ZFPM1: variants seen among roughly 807,000 people sequenced by gnomAD.
The protein encoded by ZFPM1 is zinc finger protein ZFPM1.
Under a neutral mutation model 46.3 loss-of-function variants are expected in ZFPM1, and 28 were observed. That is an observed-to-expected ratio of 0.60 (90% CI 0.45 to 0.83). The LOEUF is 0.83. ZFPM1 is among the 40% of genes least tolerant of loss of function. ZFPM1 has a pLI of 0.00. For missense variants in ZFPM1, 1,878 were observed against 1,432.4 expected (o/e 1.31, Z -5.02); for synonymous variants, 957 against 675.9 (o/e 1.42, Z -6.45).
chr16:88,519,001 TATGG>T (rs998118119), intron 4 of ZFPM1, among the ~76,000 whole-genome samples: 1 of 129,994 alleles, frequency 7.7e-6, no homozygotes, highest in Non-Finnish European at 1.6e-5. Context: ...TGGATAGACG[TATGG>T]GTGGATGGAT....
At chr16:88,496,105 G>A (rs975005892) in intron 3 of ZFPM1, among the ~76,000 whole-genome samples, 1 of 152,186 alleles carries the variant, frequency 6.6e-6, no homozygotes, top group African/African-American at 2.4e-5. Flanking sequence ...GAAGGAGGAG[G>A]CTTCCAGAGG....
chr16:88,467,142 C>T (rs1316432211), intron 1 of ZFPM1, among the ~76,000 whole-genome samples: 4 of 152,116 alleles, frequency 2.6e-5, no homozygotes, highest in Admixed American at 6.5e-5. Context: ...CCTAGGGCCT[C>T]GTCCCATCAC....
rs1341858650 is a variant in ZFPM1 at position 88,534,154 on chromosome 16, C to T, written c.2196C>T (p.Pro732=). 4.2e-5 allele frequency: 42 copies of T among 1,003,458 alleles called. No individual in the cohort carries two copies. Among genetic ancestry groups the T allele is most frequent in the African/African-American group, 1.4e-4 (8 of 56,738 alleles). 62.2% of individuals were successfully genotyped at this position (1,003,458 alleles called of 1,614,324 possible). A position where few individuals can be genotyped will look rare whatever the true frequency, so the allele number is the denominator to read the frequency against. ...GPPGPAAPPA[P]SPAAPVRTRR... ...CTGGGCCGGCCGCGCCCCCGGCCCC[C>T]TCTCCCGCCGCGCCTGTGCGCACGC... Residue 732 remains proline, a synonymous_variant, in exon 10 of 10, where the codon CCC becomes CCT. Transcript: ENST00000319555.
At position 88,533,572 on chromosome 16, in the gene ZFPM1, C is replaced by T. The variant is rs754957631; in HGVS notation, c.1614C>T (p.Pro538=). 2 of 1,497,196 alleles carry T rather than the reference C, an allele frequency of 1.3e-6. No homozygotes were observed. The highest frequency in any genetic ancestry group is 2.4e-5 in the South Asian group (2 of 82,266). The allele number at this position is 1,497,196 out of a possible 1,614,324, so 92.7% of individuals were successfully genotyped here. Residue 538 remains proline, a synonymous_variant, in exon 10 of 10, where the codon CCC becomes CCT. Coordinates refer to ENST00000319555, the MANE Select transcript of ZFPM1 (RefSeq NM_153813.3). ...QYVFGPDAAP[P]ASEILAKMSE... ...TGTTCGGGCCCGACGCGGCGCCCCC[C>T]GCCTCGGAGATCCTGGCCAAGATGT...
At chr16:88,494,861 CCCT>C (rs1364683915) in intron 3 of ZFPM1, among the ~76,000 whole-genome samples, 2 of 152,150 alleles carry the variant, frequency 1.3e-5, no homozygotes, top group Non-Finnish European at 2.9e-5. Flanking sequence ...GGCCTGGACT[CCCT>C]CCTCCTCCCT....
intron 3 of ZFPM1, among the ~76,000 whole-genome samples, chr16:88,490,110 A>G (rs1909476965): frequency 1.3e-5 from 2 of 151,532 alleles, no homozygotes; most frequent in Non-Finnish European, 2.9e-5. Flanking sequence ...CTGGAGTGCA[A>G]TGGCGCGATC....
intron 3 of ZFPM1, among the ~76,000 whole-genome samples, chr16:88,493,045 A>G (rs1909675659): frequency 6.8e-6 from 1 of 147,896 alleles, no homozygotes. Flanking sequence ...GGGTATGGAG[A>G]GCTATCCCGG....
intron 4 of ZFPM1, among the ~76,000 whole-genome samples, chr16:88,526,436 C>A (rs1002144210): frequency 6.9e-6 from 1 of 145,280 alleles, no homozygotes; most frequent in Non-Finnish European, 1.5e-5. Context: ...CAAGGGTGGG[C>A]GAGCAGTGGG....
rs189705961 is a variant in ZFPM1 at position 88,532,265 on chromosome 16, A to G, written c.946+30A>G. Reference sequence around the variant, plus strand: ...GCCCCCACCCCGGACGCGGGTCCTCAGGATGCCGGCTGCTTCCCCACCCAG... The same window carrying G: ...GCCCCCACCCCGGACGCGGGTCCTCGGGATGCCGGCTGCTTCCCCACCCAG... On this transcript the variant is annotated intron_variant, in intron 7 of 9. Coordinates refer to ENST00000319555, the MANE Select transcript of ZFPM1 (RefSeq NM_153813.3). 1.0e-3 allele frequency: 1,556 copies of G among 1,554,904 alleles called. 35 individuals are homozygous for G. In the East Asian group the frequency reaches 0.025, roughly 25 times the overall value.
chr16:88,485,844 T>A, intron 1 of ZFPM1, 95 bp from the exon 2 acceptor site: 1 of 1,197,472 alleles, frequency 8.4e-7, no homozygotes. Flanking sequence ...CATTTCCGCC[T>A]GGGCACCGGG....
At chr16:88,460,941 ATGACCGAGGGGCGGGGCGGG>A (rs1567525379) in intron 1 of ZFPM1, among the ~76,000 whole-genome samples, 3 of 54,670 alleles carry the variant, frequency 5.5e-5, no homozygotes, top group African/African-American at 2.6e-4. Context: ...AGGCCTGGTG[ATGACCGAGGGGCGGGGCGGG>A]AGGCCTGGTG....
intron 4 of ZFPM1, among the ~76,000 whole-genome samples, chr16:88,524,921 TGCACCCACCCCAGCCAGG>T (rs1912193703): frequency 6.6e-6 from 1 of 151,898 alleles, no homozygotes; most frequent in Non-Finnish European, 1.5e-5. Flanking sequence ...ACTGCAGGGT[TGCACCCACCCCAGCCAGG>T]GCACCCACCC....
In ZFPM1 at chr16:88,532,702, G is replaced by A. The variant is rs758360400; in HGVS notation, c.1035G>A (p.Thr345=). ...GGCACCTCAAGGTGCACACGGACAC[G>A]CTGAGCGGTAGGCACCGCAGGGGCC... The part of the protein sequence containing the change: ...CERHLKVHTD[T]LSGVCHSCGF... Residue 345 remains threonine, a synonymous_variant, in exon 8 of 10, where the codon ACG becomes ACA. Coordinates refer to ENST00000319555, the MANE Select transcript of ZFPM1 (RefSeq NM_153813.3). 3 of 1,611,448 alleles carry A rather than the reference G, an allele frequency of 1.9e-6. No individual in the cohort carries two copies. Among genetic ancestry groups the A allele is most frequent in the South Asian group, 2.2e-5 (2 of 90,862 alleles).
chr16:88,474,590 G>A (rs1197450763), intron 1 of ZFPM1, among the ~76,000 whole-genome samples: 1 of 151,872 alleles, frequency 6.6e-6, no homozygotes, highest in Non-Finnish European at 1.5e-5. Flanking sequence ...GGGGCGGGGG[G>A]CTCTGTCTTC....
chr16:88,508,192 G>T (rs571062568), intron 3 of ZFPM1, among the ~76,000 whole-genome samples: 2 of 152,302 alleles, frequency 1.3e-5, no homozygotes, highest in East Asian at 3.9e-4. Context: ...AGCTACTCAG[G>T]AGGCTGAGAT....
At chr16:88,502,943 A>G (rs904323899) in intron 3 of ZFPM1, among the ~76,000 whole-genome samples, 2 of 151,784 alleles carry the variant, frequency 1.3e-5, no homozygotes, top group Non-Finnish European at 2.9e-5. Flanking sequence ...CGCCACCCCC[A>G]CCCGCCTTTA....
At chr16:88,513,564 G>A (rs1452250772) in intron 3 of ZFPM1, among the ~76,000 whole-genome samples, 4 of 152,240 alleles carry the variant, frequency 2.6e-5, no homozygotes, top group Non-Finnish European at 4.4e-5. Context: ...GGCAGAGGGT[G>A]TGTGGCCTGG....
rs1212032216 is a variant in ZFPM1 at position 88,497,222 on chromosome 16, C to G, written c.268+8069C>G. ...GTAGAAGGGATGCCCGAGTGTCAGG[C>G]TGGGTGTGAGAGATGGGAGGGGCGG... On this transcript the variant is annotated intron_variant, in intron 3 of 9. Coordinates refer to ENST00000319555, the MANE Select transcript of ZFPM1 (RefSeq NM_153813.3). The surrounding 1 kb of genome is among the most constrained non-coding windows in gnomAD (Gnocchi z 5.4). Among the ~76,000 whole-genome samples, 1 of 152,188 alleles carries G rather than the reference C, an allele frequency of 6.6e-6. No homozygotes were observed. Among genetic ancestry groups the G allele is most frequent in the Non-Finnish European group, 1.5e-5 (1 of 68,032 alleles).
In ZFPM1 at chr16:88,528,231, GATC is replaced by G. The variant is rs1215005653; in HGVS notation, c.707_709del (p.Ile236del). The G allele has an allele frequency of 6.2e-7, 1 of 1,606,808 alleles. No homozygotes were observed. Among genetic ancestry groups the G allele is most frequent in the Admixed American group, 1.7e-5 (1 of 59,774 alleles). ...TGGCCTCCATCCTTGCCACCGCAGTGATCAACAGTAAGTGCTGGGCTCTCCGCA... is the reference window on the plus strand; with the variant it reads ...TGGCCTCCATCCTTGCCACCGCAGTGAACAGTAAGTGCTGGGCTCTCCGCA... On this transcript the variant is annotated inframe_deletion, in exon 6 of 10. Transcript: ENST00000319555.
Sources: gnomAD v4.1 joint callset for allele counts (sites outside exome capture counted in the v4.1 genomes callset) on GRCh38, gnomAD v4.1.1 for gene constraint, Gnocchi (gnomAD v3.1) non-coding constraint, MANE v1.5 for transcripts, NCBI Gene and HGNC (gene_info 2026-07-23, HGNC 2026-07-21) for gene names.